TTLL11: variants seen among roughly 807,000 people sequenced by gnomAD.
TTLL11 encodes tubulin tyrosine ligase like 11, also known as tubulin polyglutamylase TTLL11.
In TTLL11, 42 loss-of-function variants were observed where a neutral mutation model predicts 51.7. The ratio of observed to expected loss-of-function variants is 0.81; its 90% confidence interval spans 0.64 to 1.05. The LOEUF (loss-of-function observed/expected upper bound fraction) is 1.05. TTLL11 is among the 50% of genes least tolerant of loss of function. The pLI is 0.00. For synonymous variants in TTLL11, 381 were observed against 383.5 expected (o/e 0.99, Z 0.08); for missense variants, 799 against 940.4 (o/e 0.85, Z 1.97).
intron 3 of TTLL11, among the ~76,000 whole-genome samples, chr9:122,004,706 G>T (rs1413243510): frequency 1.3e-5 from 2 of 152,192 alleles, no homozygotes; most frequent in African/African-American, 4.8e-5. Flanking sequence ...AAGCAGTACT[G>T]CAAGGCCACA....
chr9:121,857,270 G>A lies in TTLL11; in HGVS notation c.1840+3067C>T, dbSNP rs1037088066. On this transcript the variant is annotated intron_variant, in intron 8 of 8. Coordinates refer to ENST00000321582, the MANE Select transcript of TTLL11 (RefSeq NM_001139442.2). ...TGACTTTTATCCTCCCGCTGCTGCC[G>A]TCCCCTCTGACTCCTGCTTCACCAG... Among the ~76,000 whole-genome samples, 4 of 152,292 alleles carry A rather than the reference G, an allele frequency of 2.6e-5. No individual in the cohort carries two copies. In the South Asian group the frequency reaches 6.2e-4, roughly 24 times the overall value.
chr9:121,962,597 C>G (rs1842267302), intron 6 of TTLL11, among the ~76,000 whole-genome samples: 1 of 152,228 alleles, frequency 6.6e-6, no homozygotes, highest in South Asian at 2.1e-4. Flanking sequence ...TCAGTGATTT[C>G]ATATGACTCA....
chr9:122,038,993 C>T (rs1199653164), intron 2 of TTLL11, among the ~76,000 whole-genome samples: 1 of 152,000 alleles, frequency 6.6e-6, no homozygotes, highest in Non-Finnish European at 1.5e-5. Context: ...TTTTCATTTT[C>T]AGAATATATT....
At position 121,837,998 on chromosome 9, in the gene TTLL11, G is replaced by A. The variant is rs565345599; in HGVS notation, c.1841-15119C>T. 2.0e-5 allele frequency among the ~76,000 whole-genome samples: 3 copies of A among 152,048 alleles called. No homozygotes were observed. In the South Asian group the frequency reaches 6.2e-4, roughly 32 times the overall value. On this transcript the variant is annotated intron_variant, in intron 8 of 8. Transcript: ENST00000321582. ...CTTTTCCTTGCTGTGGGCCCCACAGGGCTCTCTCTCTCGCTCTCTCTTCCT... is the reference window on the plus strand; with the variant it reads ...CTTTTCCTTGCTGTGGGCCCCACAGAGCTCTCTCTCTCGCTCTCTCTTCCT...
intron 6 of TTLL11, among the ~76,000 whole-genome samples, chr9:121,887,337 G>A (rs547093552): frequency 8.5e-5 from 13 of 152,252 alleles, no homozygotes; most frequent in South Asian, 2.1e-4. Context: ...TGGAGGTAGC[G>A]GTGGCGATTT....
intron 3 of TTLL11, among the ~76,000 whole-genome samples, chr9:122,006,801 C>G (rs1414882749): frequency 6.6e-6 from 1 of 151,882 alleles, no homozygotes; most frequent in Non-Finnish European, 1.5e-5. Flanking sequence ...GCCTGGCCAT[C>G]ATGATGAAAC....
intron 7 of TTLL11, among the ~76,000 whole-genome samples, chr9:121,863,808 A>G (rs1360830586): frequency 6.6e-6 from 1 of 152,206 alleles, no homozygotes; most frequent in Non-Finnish European, 1.5e-5. Flanking sequence ...GCGTATGCTG[A>G]GGCTCAAGAG....
At chr9:121,976,178 T>G (rs1359348523) in intron 4 of TTLL11, among the ~76,000 whole-genome samples, 2 of 152,192 alleles carry the variant, frequency 1.3e-5, no homozygotes, top group Non-Finnish European at 2.9e-5. Context: ...GTGACACCCC[T>G]GCACAGGTGG....
chr9:121,837,715 C>G (rs1408467285), intron 8 of TTLL11, among the ~76,000 whole-genome samples: 1 of 152,184 alleles, frequency 6.6e-6, no homozygotes, highest in East Asian at 1.9e-4. Flanking sequence ...GACTGCCCTT[C>G]CCTCCTGGGG....
At chr9:121,909,537 T>C (rs942837741) in intron 6 of TTLL11, among the ~76,000 whole-genome samples, 2 of 152,188 alleles carry the variant, frequency 1.3e-5, no homozygotes, top group African/African-American at 4.8e-5. Context: ...GACCCCTTTT[T>C]CCAAGTATAT....
intron 6 of TTLL11, among the ~76,000 whole-genome samples, chr9:121,917,266 C>A (rs1408913475): frequency 6.6e-6 from 1 of 151,208 alleles, no homozygotes; most frequent in African/African-American, 2.4e-5. Context: ...GCCAGAAGTT[C>A]GAGACCGCCT....
At chr9:121,905,497 A>G (rs919669726) in intron 6 of TTLL11, among the ~76,000 whole-genome samples, 2 of 151,956 alleles carry the variant, frequency 1.3e-5, no homozygotes, top group African/African-American at 4.8e-5. Flanking sequence ...GATTACAGGC[A>G]CACATCATCA....
At chr9:122,043,705 A>C (rs1326371190) in intron 1 of TTLL11, among the ~76,000 whole-genome samples, 1 of 152,196 alleles carries the variant, frequency 6.6e-6, no homozygotes, top group African/African-American at 2.4e-5. Flanking sequence ...CAAAATAGGT[A>C]AATCAAAGAT....
At chr9:122,087,783 G>A (rs904812432) in intron 1 of TTLL11, among the ~76,000 whole-genome samples, 1 of 152,162 alleles carries the variant, frequency 6.6e-6, no homozygotes, top group African/African-American at 2.4e-5. Flanking sequence ...TTCACAGGAT[G>A]GGAAGAAGAC....
Position 121,985,197 on chromosome 9 carries a change from G to A in TTLL11, c.1269+3998C>T, listed in dbSNP as rs143945934. Among the ~76,000 whole-genome samples, 24 of 152,320 alleles carry A rather than the reference G, an allele frequency of 1.6e-4. No homozygotes were observed. In the East Asian group the frequency reaches 4.6e-3, roughly 29 times the overall value. On this transcript the variant is annotated intron_variant, in intron 4 of 8. Coordinates refer to ENST00000321582, the MANE Select transcript of TTLL11 (RefSeq NM_001139442.2). ...TCTGAGTCAAGCCCAGGCAACAAGC[G>A]AGAGGGGCTGTGTGGCAAAGAAGTC... is the stretch of plus-strand genomic sequence containing the variant.
chr9:121,999,304 C>T (rs560151788), intron 3 of TTLL11, among the ~76,000 whole-genome samples: 9 of 152,182 alleles, frequency 5.9e-5, no homozygotes, highest in Non-Finnish European at 8.8e-5. Context: ...ATCTCTGGAG[C>T]GTACCTCTCT....
intron 1 of TTLL11, among the ~76,000 whole-genome samples, chr9:122,079,921 C>T (rs1002051853): frequency 2.0e-5 from 3 of 151,804 alleles, no homozygotes; most frequent in Admixed American, 6.6e-5. Context: ...TGAGGCTAGG[C>T]GTTCACGACT....
intron 6 of TTLL11, 126 bp downstream of exon 6, chr9:121,973,883 T>C (rs1424783519): frequency 1.3e-5 from 7 of 552,242 alleles, no homozygotes; most frequent in Non-Finnish European, 1.5e-5. Context: ...GATATTTTAT[T>C]AGAATTGTTT....
chr9:121,926,533 G>A (rs924338989), intron 6 of TTLL11, among the ~76,000 whole-genome samples: 3 of 152,246 alleles, frequency 2.0e-5, no homozygotes, highest in African/African-American at 4.8e-5. Context: ...AGCCCTGGAG[G>A]TGGTGCTCTT....
Sources: allele counts gnomAD v4.1 joint callset (sites outside exome capture counted in the v4.1 genomes callset), GRCh38; gene constraint gnomAD v4.1.1; transcripts MANE v1.5; gene names NCBI Gene and HGNC (gene_info 2026-07-23, HGNC 2026-07-21).